Variants in LRRC37A3 observed in about 807,000 individuals in gnomAD.
LRRC37A3 encodes the protein leucine rich repeat containing 37 member A3.
A neutral mutation model predicts 106.2 loss-of-function variants in LRRC37A3; 25 were observed. The observed-to-expected ratio is 0.24, with a 90% CI of 0.17 to 0.33. LRRC37A3 has a LOEUF of 0.33. Ranked by LOEUF, LRRC37A3 falls within the 10% of genes least tolerant of loss-of-function variation. The pLI, the probability that LRRC37A3 is intolerant of heterozygous loss-of-function variation, is 1.00. For missense variants in LRRC37A3, 712 were observed against 1,644.9 expected, an observed-to-expected ratio of 0.43 and a Z score of 9.81; for synonymous variants, 305 against 635.8, an observed-to-expected ratio of 0.48 and a Z score of 7.83.
At chr17:64,868,966 T>A (rs1973215319) in intron 9 of LRRC37A3, 129 bp downstream of exon 9, 1 of 1,474,262 alleles carries the variant, frequency 6.8e-7, no homozygotes, top group South Asian at 1.4e-5. Context: ...CGCCAATAAC[T>A]TTTTTTCAAT....
rs576685471 is a variant in LRRC37A3, at chr17:64,866,573, T to C, written c.3053+1889A>G. Among the ~76,000 whole-genome samples, 939 of 102,242 alleles carry C rather than the reference T, an allele frequency of 9.2e-3. 7 individuals carry two copies. Among genetic ancestry groups the C allele is most frequent in the South Asian group, 0.012 (41 of 3,484 alleles). The allele number at this position is 102,242 out of a possible 152,430, so 67.1% of individuals were successfully genotyped here. ...ATATACACGTACATATATATATATA[T>C]ACATATATACACGTACATATATATA... On this transcript the variant is annotated intron_variant, in intron 10 of 14. Transcript: ENST00000584306.
rs1193385697 is a variant in LRRC37A3, at chr17:64,860,658, CT to C, written c.3487del (p.Arg1163AspfsTer2). 6.2e-7 allele frequency: 1 copy of C among 1,613,886 alleles called. No homozygotes were observed. The highest frequency in any genetic ancestry group is 8.5e-7 in the Non-Finnish European group (1 of 1,179,884). ...KIQTVGKNRQRLNRVLMGPRS... is the reference protein window; with the variant it reads ...KIQTVGKNRQXLNRVLMGPRS... ...TGGGCCCATGAGGACTCTATTCAGT[CT>C]CTGCCGGTTTTTGCCTACAGTTTGA... On this transcript the variant is annotated frameshift_variant, in exon 12 of 15. Coordinates refer to ENST00000584306, the MANE Select transcript of LRRC37A3 (RefSeq NM_199340.5). LOFTEE classifies it high-confidence loss of function.
At chr17:64,870,894 G>A in intron 8 of LRRC37A3, among the ~76,000 whole-genome samples, 2 of 143,940 alleles carry the variant, frequency 1.4e-5, no homozygotes, top group East Asian at 2.3e-4. Flanking sequence ...CACCCAAACA[G>A]GGTCTTGCTC....
intron 10 of LRRC37A3, among the ~76,000 whole-genome samples, chr17:64,866,625 TA>T (rs1430418716): frequency 0.011 from 256 of 23,586 alleles, no homozygotes; most frequent in African/African-American, 0.014. Flanking sequence ...TATATATATA[TA>T]TATTTTTTTT....
At chr17:64,866,291 G>A (rs1261979240) in intron 10 of LRRC37A3, among the ~76,000 whole-genome samples, 1 of 152,018 alleles carries the variant, frequency 6.6e-6, no homozygotes, top group African/African-American at 2.4e-5. Flanking sequence ...ACAGGAGGCT[G>A]AGGAAAGTGA....
chr17:64,875,748 C>A (rs1367805074), intron 8 of LRRC37A3, among the ~76,000 whole-genome samples: 1 of 151,618 alleles, frequency 6.6e-6, no homozygotes, highest in Non-Finnish European at 1.5e-5. Flanking sequence ...AAGATTGTGC[C>A]ACTGCACTCT....
At chr17:64,866,567 T>C (rs1973078946) in intron 10 of LRRC37A3, among the ~76,000 whole-genome samples, 1 of 112,604 alleles carries the variant, frequency 8.9e-6, no homozygotes, top group Admixed American at 9.0e-5. Flanking sequence ...TACATATATA[T>C]ATATATACAT....
chr17:64,875,298 C>A (rs575802285), intron 8 of LRRC37A3, among the ~76,000 whole-genome samples: 8 of 152,030 alleles, frequency 5.3e-5, no homozygotes, highest in African/African-American at 1.9e-4. Context: ...CAACCACACA[C>A]AACAGTGGAG....
chr17:64,869,292 C>G lies in LRRC37A3; in HGVS notation c.2907-126G>C, dbSNP rs193142195. 3.3e-6 allele frequency: 5 copies of G among 1,497,338 alleles called. No individual in the cohort carries two copies. In the African/African-American group the frequency reaches 7.0e-5, roughly 21 times the overall value. The allele number at this position is 1,497,338 out of a possible 1,614,324, so 92.8% of individuals were successfully genotyped here. A position where few individuals can be genotyped will look rare whatever the true frequency, so the allele number is the denominator to read the frequency against. On this transcript the variant is annotated intron_variant, in intron 8 of 14. Coordinates refer to ENST00000584306, the MANE Select transcript of LRRC37A3 (RefSeq NM_199340.5). ...AGAAAAAAATGTTTCCTGTCTTTAC[C>G]TAAGAAATCACCATTAGACTCCGTA...
At chr17:64,866,621 TATA>T (rs1973107995) in intron 10 of LRRC37A3, among the ~76,000 whole-genome samples, 3 of 25,280 alleles carry the variant, frequency 1.2e-4, no homozygotes, top group Admixed American at 6.2e-4. Context: ...TATATATATA[TATA>T]TATATTTTTT....
intron 8 of LRRC37A3, among the ~76,000 whole-genome samples, chr17:64,870,743 T>A (rs1298393623): frequency 2.0e-5 from 3 of 152,124 alleles, no homozygotes; most frequent in Non-Finnish European, 2.9e-5. Context: ...TAACCTTAGG[T>A]TTTTTAAAAA....
chr17:64,904,353 T>C (rs1199494194), intron 2 of LRRC37A3, among the ~76,000 whole-genome samples: 668 of 151,516 alleles, frequency 4.4e-3, no homozygotes, highest in Non-Finnish European at 6.3e-3. Flanking sequence ...CGCACGCCTG[T>C]AGTCCTGGCT....
intron 8 of LRRC37A3, among the ~76,000 whole-genome samples, chr17:64,873,193 T>C (rs1973379887): frequency 6.7e-6 from 1 of 150,188 alleles, no homozygotes; most frequent in Admixed American, 6.6e-5. Context: ...CATTATATTA[T>C]TTAAAATATT....
intron 14 of LRRC37A3, among the ~76,000 whole-genome samples, chr17:64,855,579 G>A (rs1214310479): frequency 2.0e-5 from 3 of 150,512 alleles, no homozygotes; most frequent in Non-Finnish European, 4.4e-5. Context: ...GTCCTGTCTC[G>A]GGCAGTTTCC....
intron 2 of LRRC37A3, among the ~76,000 whole-genome samples, chr17:64,917,881 T>C (rs1213794077): frequency 6.8e-6 from 1 of 147,306 alleles, no homozygotes; most frequent in Non-Finnish European, 1.5e-5. Flanking sequence ...GACAGGAGAA[T>C]CGCTTGAACC....
At chr17:64,879,560 G>A (rs906648770) in intron 8 of LRRC37A3, among the ~76,000 whole-genome samples, 10 of 152,016 alleles carry the variant, frequency 6.6e-5, no homozygotes, top group African/African-American at 2.4e-4. Flanking sequence ...AACTTGTTTT[G>A]TAACACTAAT....
In LRRC37A3 at chr17:64,909,393, A is replaced by G. The variant is rs56816894; in HGVS notation, c.-496+9357T>C. On this transcript the variant is annotated intron_variant, in intron 2 of 14. Coordinates refer to ENST00000584306, the MANE Select transcript of LRRC37A3 (RefSeq NM_199340.5). ...AAATCAGGATCTGCAGTTTCTCACA[A>G]TCTTCAGGTGATTTCTATGGTCATT... Among the ~76,000 whole-genome samples, 211 of 152,334 alleles carry G rather than the reference A, an allele frequency of 1.4e-3. 1 individual carries two copies. Among genetic ancestry groups the G allele is most frequent in the African/African-American group, 5.0e-3 (209 of 41,566 alleles).
chr17:64,875,431 T>C (rs951484885), intron 8 of LRRC37A3, among the ~76,000 whole-genome samples: 2 of 152,202 alleles, frequency 1.3e-5, no homozygotes, highest in Admixed American at 1.3e-4. Flanking sequence ...AAATAAAAAC[T>C]GAGAGACTTT....
At chr17:64,875,659 C>T (rs1039764591) in intron 8 of LRRC37A3, among the ~76,000 whole-genome samples, 16 of 151,990 alleles carry the variant, frequency 1.1e-4, no homozygotes, top group Admixed American at 5.9e-4. Flanking sequence ...TGTGGTGTTA[C>T]GTGCCTGCAG....
Sources: allele counts gnomAD v4.1 joint callset (sites outside exome capture counted in the v4.1 genomes callset), GRCh38; gene constraint gnomAD v4.1.1; transcripts MANE v1.5; gene names NCBI Gene and HGNC (gene_info 2026-07-23, HGNC 2026-07-21).